The following CDH6 variants were observed in gnomAD, a reference collection of about 807,000 sequenced individuals.
CDH6 encodes the protein cadherin-6.
Under a neutral mutation model 78.0 loss-of-function variants are expected in CDH6, and 31 were observed. That is an observed-to-expected ratio of 0.40 (90% CI 0.30 to 0.54). CDH6 has a LOEUF of 0.54. CDH6 is among the 20% of genes least tolerant of loss of function. CDH6 has a pLI of 0.56. For missense variants in CDH6, 724 were observed against 975.9 expected, an observed-to-expected ratio of 0.74 and a Z score of 3.44; for synonymous variants, 376 against 368.8, an observed-to-expected ratio of 1.02 and a Z score of -0.23.
rs1447589910 is a variant in CDH6, at chr5:31,316,325, A to G, written c.1508A>G (p.Asp503Gly). Residue 503 changes from aspartate to glycine, a missense_variant, in exon 9 of 12, where the codon GAT becomes GGT. By Grantham distance (94) the Asp-to-Gly change is moderately conservative. Around this residue, in one of 3 missense-constraint regions of CDH6, gnomAD observed 446 missense variants for 684.5 expected, o/e 0.65. Coordinates refer to ENST00000265071, the MANE Select transcript of CDH6 (RefSeq NM_004932.4). ...ETFVCEKAKA[D>G]QLIQTLHAVD... ...TTTGTCTGTGAAAAAGCAAAGGCAG[A>G]TCAGGTGAGTTTCATTAAAAAGTAT... The G allele has an allele frequency of 6.2e-7, 1 of 1,609,270 alleles. No homozygotes were observed. Among genetic ancestry groups the G allele is most frequent in the East Asian group, 2.2e-5 (1 of 44,826 alleles).
At position 31,312,288 on chromosome 5, in the gene CDH6, C is replaced by T. The variant is rs1010084863; in HGVS notation, c.1254-1030C>T. Reference sequence around the variant, plus strand: ...AAAAATGGAACTTACCCATCTTCCCCGAATCCTGTTTTTCACTCCTTTTTT... The same window carrying T: ...AAAAATGGAACTTACCCATCTTCCCTGAATCCTGTTTTTCACTCCTTTTTT... On this transcript the variant is annotated intron_variant, in intron 7 of 11. Transcript: ENST00000265071. Among the ~76,000 whole-genome samples, 6 of 152,318 alleles carry T rather than the reference C, an allele frequency of 3.9e-5. No individual in the cohort carries two copies. The South Asian group carries it at 1.0e-3, about 26-fold the overall frequency.
intron 1 of CDH6, among the ~76,000 whole-genome samples, chr5:31,244,189 C>T (rs1472347927): frequency 1.3e-5 from 2 of 152,150 alleles, no homozygotes; most frequent in African/African-American, 4.8e-5. Flanking sequence ...GAAGTCTCTT[C>T]CCAACTCAGT....
At chr5:31,259,807 C>T (rs1182938083) in intron 1 of CDH6, among the ~76,000 whole-genome samples, 1 of 152,196 alleles carries the variant, frequency 6.6e-6, no homozygotes, top group Non-Finnish European at 1.5e-5. Context: ...ATGAAGCAAG[C>T]AGGTCTAGGA....
chr5:31,213,196 A>G (rs1352862705), intron 1 of CDH6, among the ~76,000 whole-genome samples: 1 of 152,184 alleles, frequency 6.6e-6, no homozygotes, highest in East Asian at 1.9e-4. Context: ...AGATAATAGG[A>G]TGGGAAAGAA....
chr5:31,226,045 T>G (rs1213535653), intron 1 of CDH6, among the ~76,000 whole-genome samples: 1 of 151,990 alleles, frequency 6.6e-6, no homozygotes, highest in Non-Finnish European at 1.5e-5. Context: ...AAGAATAGGG[T>G]TTTTCCTGAA....
At chr5:31,226,220 G>C (rs1191917293) in intron 1 of CDH6, among the ~76,000 whole-genome samples, 1 of 152,084 alleles carries the variant, frequency 6.6e-6, no homozygotes, top group Non-Finnish European at 1.5e-5. Flanking sequence ...AGTCACCCAG[G>C]CTGGATTGTA....
intron 1 of CDH6, among the ~76,000 whole-genome samples, chr5:31,258,819 C>T (rs1354803100): frequency 2.0e-5 from 3 of 152,050 alleles, no homozygotes; most frequent in African/African-American, 7.2e-5. Flanking sequence ...TTAGGGAATT[C>T]ATGAAGACTC....
At chr5:31,263,474 G>A (rs1742267112) in intron 1 of CDH6, among the ~76,000 whole-genome samples, 1 of 140,870 alleles carries the variant, frequency 7.1e-6, no homozygotes, top group Admixed American at 7.3e-5. Flanking sequence ...GTAGAGATGG[G>A]GTTTCACCAT....
At chr5:31,275,271 G>T (rs2149937492) in intron 2 of CDH6, among the ~76,000 whole-genome samples, 1 of 152,154 alleles carries the variant, frequency 6.6e-6, no homozygotes, top group East Asian at 1.9e-4. Flanking sequence ...GCTGAGGTTT[G>T]GGGTATGGCT....
chr5:31,300,685 G>A (rs537370913), intron 5 of CDH6, among the ~76,000 whole-genome samples: 6 of 152,212 alleles, frequency 3.9e-5, no homozygotes, highest in South Asian at 2.1e-4. Context: ...GGATTCCCCC[G>A]CACCCTGGTA....
At chr5:31,271,649 G>T (rs192502913) in intron 2 of CDH6, among the ~76,000 whole-genome samples, 1 of 152,154 alleles carries the variant, frequency 6.6e-6, no homozygotes, top group Non-Finnish European at 1.5e-5. Flanking sequence ...TTCTGAGTTC[G>T]TGAGTTTAAG....
intron 1 of CDH6, among the ~76,000 whole-genome samples, chr5:31,228,658 G>A (rs1200023752): frequency 2.0e-5 from 3 of 152,188 alleles, no homozygotes; most frequent in Non-Finnish European, 4.4e-5. Flanking sequence ...AGATCATCAT[G>A]CGTTAGCTAC....
chr5:31,255,489 A>G (rs1742031598), intron 1 of CDH6, among the ~76,000 whole-genome samples: 1 of 152,202 alleles, frequency 6.6e-6, no homozygotes, highest in Non-Finnish European at 1.5e-5. Flanking sequence ...GTTTTGCGTG[A>G]TATTTTATGT....
At chr5:31,199,685 G>GTGTGTGTGTGTGTGTGTATATATA (rs796740950) in intron 1 of CDH6, among the ~76,000 whole-genome samples, 1 of 79,852 alleles carries the variant, frequency 1.3e-5, no homozygotes, top group African/African-American at 4.7e-5. Flanking sequence ...GTGTGTGTGT[G>GTGTGTGTGTGTGTGTGTATATATA]TATATATATA....
intron 1 of CDH6, among the ~76,000 whole-genome samples, chr5:31,231,480 T>A (rs1741308728): frequency 6.6e-6 from 1 of 152,218 alleles, no homozygotes; most frequent in African/African-American, 2.4e-5. Flanking sequence ...TGAAACTGGG[T>A]AATTTATAAA....
intron 1 of CDH6, among the ~76,000 whole-genome samples, chr5:31,234,260 C>T (rs1741393936): frequency 6.6e-6 from 1 of 152,022 alleles, no homozygotes; most frequent in South Asian, 2.1e-4. Flanking sequence ...AAAAATTGTG[C>T]TAAAATAGTA....
In CDH6 at chr5:31,324,754, A is replaced by T. The variant is rs888902888; in HGVS notation, c.*1446A>T. The T allele has an allele frequency of 4.8e-6, 1 of 207,698 alleles. No individual in the cohort carries two copies. The highest frequency in any genetic ancestry group is 2.3e-5 in the African/African-American group (1 of 43,964). The allele number at this position is 207,698 out of a possible 1,614,324, so 12.9% of individuals were successfully genotyped here. Reference sequence around the variant, plus strand: ...GCAATTAGCCTCATAGTTATTATCCAGAGGACCCAACTGAACTGAACTAAT... The same window carrying T: ...GCAATTAGCCTCATAGTTATTATCCTGAGGACCCAACTGAACTGAACTAAT... On this transcript the variant is annotated 3_prime_UTR_variant, in exon 12 of 12. Coordinates refer to ENST00000265071, the MANE Select transcript of CDH6 (RefSeq NM_004932.4).
chr5:31,201,551 A>T (rs1226115304), intron 1 of CDH6, among the ~76,000 whole-genome samples: 1 of 152,212 alleles, frequency 6.6e-6, no homozygotes, highest in African/African-American at 2.4e-5. Context: ...TAAAATGTCA[A>T]TTCTTTCATG....
At chr5:31,298,300 TC>T (rs1377992734) in intron 4 of CDH6, among the ~76,000 whole-genome samples, 1 of 152,212 alleles carries the variant, frequency 6.6e-6, no homozygotes, top group Non-Finnish European at 1.5e-5. Flanking sequence ...AATCAAAACT[TC>T]CCTAGGTTCC....
Sources: gnomAD v4.1 joint callset for allele counts (sites outside exome capture counted in the v4.1 genomes callset) on GRCh38, gnomAD v4.1.1 for gene constraint, gnomAD v4.1.1 regional missense constraint, MANE v1.5 for transcripts, NCBI Gene and HGNC (gene_info 2026-07-23, HGNC 2026-07-21) for gene names.